CHORDC1: variants seen among roughly 807,000 people sequenced by gnomAD.
CHORDC1 encodes the protein cysteine and histidine-rich domain-containing protein 1.
CHORDC1 carries 25 observed loss-of-function variants against 48.3 expected under a neutral mutation model. That is an observed-to-expected ratio of 0.52 (90% CI 0.38 to 0.72). The LOEUF is 0.72. Ranked by LOEUF, CHORDC1 falls within the 30% of genes least tolerant of loss-of-function variation. CHORDC1 has a pLI of 0.00. For synonymous variants in CHORDC1, 128 were observed against 126.4 expected, an observed-to-expected ratio of 1.01 and a Z score of -0.09; for missense variants, 317 against 388.7, an observed-to-expected ratio of 0.82 and a Z score of 1.55.
At position 90,223,026 on chromosome 11, in the gene CHORDC1, G is replaced by A. The variant is rs1207453587; in HGVS notation, c.-72C>T. ...AAGAGGATGCGTTTGCCACTCCCGT[G>A]TCGCTAGCACCGGTCTGACGACTGA... On this transcript the variant is annotated 5_prime_UTR_variant, in exon 1 of 11. Transcript: ENST00000320585. 1.5e-5 allele frequency: 20 copies of A among 1,336,442 alleles called. No individual in the cohort carries two copies. In the South Asian group the frequency reaches 2.1e-4, roughly 14 times the overall value. 82.8% of individuals were successfully genotyped at this position (1,336,442 alleles called of 1,614,324 possible).
chr11:90,205,385 G>A (rs1216361430), intron 8 of CHORDC1, 75 bp downstream of exon 8: 1 of 957,490 alleles, frequency 1.0e-6, no homozygotes, highest in African/African-American at 1.7e-5. Flanking sequence ...TCTAAAGACA[G>A]AATAATTTCA....
rs1458692215 is a variant in CHORDC1 at position 90,201,480 on chromosome 11, T to C, written c.*925A>G. On this transcript the variant is annotated 3_prime_UTR_variant, in exon 11 of 11. Transcript: ENST00000320585. Reference sequence around the variant, plus strand: ...TAAGCTATTTTTATTTAACATGTAATAGTCATAAAGCAACTCCATATATTT... The same window carrying C: ...TAAGCTATTTTTATTTAACATGTAACAGTCATAAAGCAACTCCATATATTT... 2.0e-5 allele frequency: 3 copies of C among 152,086 alleles called. No individual in the cohort carries two copies. The highest frequency in any genetic ancestry group is 4.4e-5 in the Non-Finnish European group (3 of 67,880). 9.4% of individuals were successfully genotyped at this position (152,086 alleles called of 1,614,324 possible).
chr11:90,217,037 A>G (rs951380359), intron 2 of CHORDC1, among the ~76,000 whole-genome samples: 2 of 152,230 alleles, frequency 1.3e-5, no homozygotes, highest in African/African-American at 4.8e-5. Flanking sequence ...ACAGCACCAC[A>G]GTTTCCACCA....
At chr11:90,216,989 A>C (rs1411604939) in intron 2 of CHORDC1, among the ~76,000 whole-genome samples, 1 of 152,240 alleles carries the variant, frequency 6.6e-6, no homozygotes, top group African/African-American at 2.4e-5. Context: ...GCAGTCTAGG[A>C]AAAATAAAAT....
chr11:90,207,713 A>G (rs757278945), intron 6 of CHORDC1: 3 of 149,472 alleles, frequency 2.0e-5, no homozygotes, highest in African/African-American at 4.9e-5. Flanking sequence ...GGAAGTACAA[A>G]TCAAAACCAT....
Position 90,218,141 on chromosome 11 carries a change from T to A in CHORDC1, c.108A>T (p.Ala36=). ...ATGAAAATATAGTTCCTACCTTTAA[T>A]GCATCGTGAAAGACCGGAACACCTG... ...YHPGVPVFHD[A]LKGWSCCKRR... The change falls in exon 2 of 11, where the codon GCA becomes GCT. Residue 36 remains alanine, a synonymous_variant. Transcript: ENST00000320585. 6.3e-7 allele frequency: 1 copy of A among 1,576,148 alleles called. No individual in the cohort carries two copies. Among genetic ancestry groups the A allele is most frequent in the Non-Finnish European group, 8.6e-7 (1 of 1,166,412 alleles).
intron 8 of CHORDC1, among the ~76,000 whole-genome samples, chr11:90,203,752 C>G (rs1857600016): frequency 6.6e-6 from 1 of 152,072 alleles, no homozygotes; most frequent in African/African-American, 2.4e-5. Flanking sequence ...ATTCTGTAAC[C>G]TACTAAGTAC....
chr11:90,216,952 A>C (rs1001134949), intron 2 of CHORDC1, among the ~76,000 whole-genome samples: 1 of 152,246 alleles, frequency 6.6e-6, no homozygotes, highest in Admixed American at 6.5e-5. Flanking sequence ...AAAAAGACAC[A>C]GTAAAACAAA....
rs34787918 is a variant in CHORDC1, at chr11:90,218,199, G to GA, written c.65-16dup. ...TGTGCAAGCATCTGGAGAAAACAGA[G>GA]AAAAAAAAAAAAGTACCACTCTTTA... On this transcript the variant is annotated splice_polypyrimidine_tract_variant and intron_variant, in intron 1 of 10. Coordinates refer to ENST00000320585, the MANE Select transcript of CHORDC1 (RefSeq NM_012124.3). 0.024 allele frequency: 31,014 copies of GA among 1,269,594 alleles called. No individual in the cohort carries two copies. The highest frequency in any genetic ancestry group is 0.027 in the Non-Finnish European group (25,354 of 942,778). 78.6% of individuals were successfully genotyped at this position (1,269,594 alleles called of 1,614,324 possible).
intron 2 of CHORDC1, 90 bp from the exon 3 acceptor site, chr11:90,215,320 A>C: frequency 1.3e-6 from 1 of 786,290 alleles, no homozygotes; most frequent in Non-Finnish European, 2.0e-6. Flanking sequence ...ATCTACTTGA[A>C]TCCTGCAGTA....
chr11:90,202,699 A>T lies in CHORDC1; in HGVS notation c.852+114T>A, dbSNP rs1857571679. The T allele has an allele frequency of 2.2e-6, 3 of 1,390,100 alleles. No homozygotes were observed. The South Asian group carries it at 4.0e-5, about 19-fold the overall frequency. 86.1% of individuals were successfully genotyped at this position (1,390,100 alleles called of 1,614,324 possible). A position where few individuals can be genotyped will look rare whatever the true frequency, so the allele number is the denominator to read the frequency against. On this transcript the variant is annotated intron_variant, in intron 10 of 10. Coordinates refer to ENST00000320585, the MANE Select transcript of CHORDC1 (RefSeq NM_012124.3). ...AGTCTTAAACTTTTTGGTAGGATAC[A>T]CTGTTAAGTTATACATCTATACTTT...
intron 2 of CHORDC1, chr11:90,216,602 CAA>C: frequency 2.4e-6 from 1 of 413,496 alleles, no homozygotes. Flanking sequence ...ACTACAACTG[CAA>C]AAGAGAGAGA....
intron 7 of CHORDC1, 156 bp downstream of exon 7, chr11:90,206,046 C>G (rs1027625755): frequency 1.6e-6 from 1 of 642,888 alleles, no homozygotes; most frequent in African/African-American, 1.9e-5. Flanking sequence ...ACACAACATA[C>G]AAACCCCTGT....
At chr11:90,209,544 G>A (rs1164557873) in intron 6 of CHORDC1, 1 of 152,186 alleles carries the variant, frequency 6.6e-6, no homozygotes, top group African/African-American at 2.4e-5. Flanking sequence ...ACTCAGCATG[G>A]GGGTTAGATG....
chr11:90,205,328 G>C (rs1156323212), intron 8 of CHORDC1, 132 bp downstream of exon 8: 1 of 635,832 alleles, frequency 1.6e-6, no homozygotes, highest in Non-Finnish European at 2.8e-6. Context: ...TTATTTCGTA[G>C]TCACATCAAA....
intron 8 of CHORDC1, 38 bp from the exon 9 acceptor site, chr11:90,203,465 C>A (rs757045542): frequency 2.7e-6 from 4 of 1,488,976 alleles, no homozygotes; most frequent in Non-Finnish European, 3.6e-6. Flanking sequence ...TAAAAAAGTG[C>A]CACATAATTA....
At chr11:90,211,876 A>G (rs937506957) in intron 4 of CHORDC1, 4 of 87,644 alleles carry the variant, frequency 4.6e-5, no homozygotes, top group African/African-American at 1.2e-4. Context: ...TGTTGTATAC[A>G]TAATTTAAGT....
chr11:90,217,881 G>C (rs1858055699), intron 2 of CHORDC1: 1 of 111,288 alleles, frequency 9.0e-6, no homozygotes, highest in Non-Finnish European at 1.6e-5. Flanking sequence ...GGGCAACACA[G>C]TGAAACTCCA....
chr11:90,203,934 T>G (rs1857603780), intron 8 of CHORDC1, among the ~76,000 whole-genome samples: 1 of 152,128 alleles, frequency 6.6e-6, no homozygotes. Context: ...AAAGAACAAA[T>G]GATTTTTGGA....
Sources: allele counts gnomAD v4.1 joint callset (sites outside exome capture counted in the v4.1 genomes callset), GRCh38; gene constraint gnomAD v4.1.1; transcripts MANE v1.5; gene names NCBI Gene and HGNC (gene_info 2026-07-23, HGNC 2026-07-21).